SNX29: variants seen among roughly 807,000 people sequenced by gnomAD.
SNX29 encodes sorting nexin 29.
In SNX29, 78 loss-of-function variants were observed where a neutral mutation model predicts 102.1. That is an observed-to-expected ratio of 0.76 (90% CI 0.64 to 0.92). SNX29 has a LOEUF of 0.92. Ranked by LOEUF, SNX29 falls within the 40% of genes least tolerant of loss-of-function variation. The pLI, the probability that SNX29 is intolerant of heterozygous loss-of-function variation, is 0.00. For synonymous variants in SNX29, 580 were observed against 414.5 expected (o/e 1.40, Z -4.85); for missense variants, 1,280 against 1,061.7 (o/e 1.21, Z -2.86).
intron 13 of SNX29, among the ~76,000 whole-genome samples, chr16:12,185,114 CA>C (rs1401368520): frequency 6.6e-6 from 1 of 152,212 alleles, no homozygotes; most frequent in African/African-American, 2.4e-5. Context: ...CTGAGATTCC[CA>C]GTCCACAGCT....
intron 7 of SNX29, among the ~76,000 whole-genome samples, chr16:12,049,425 C>T (rs982969995): frequency 1.3e-4 from 20 of 152,082 alleles, no homozygotes; most frequent in East Asian, 7.7e-4. Context: ...CTCCACTTCC[C>T]GGGTTCAAGC....
chr16:12,255,132 CT>C (rs1201369663), intron 14 of SNX29, among the ~76,000 whole-genome samples: 2 of 152,000 alleles, frequency 1.3e-5, no homozygotes, highest in Non-Finnish European at 2.9e-5. Context: ...ACTTCACATA[CT>C]TTTTTTTGGT....
At chr16:12,036,007 A>G (rs533661489) in intron 4 of SNX29, among the ~76,000 whole-genome samples, 1 of 152,304 alleles carries the variant, frequency 6.6e-6, no homozygotes, top group South Asian at 2.1e-4. Context: ...CTTTGTATCT[A>G]TCACTGGCCT....
At chr16:12,543,791 C>G (rs763081572) in intron 20 of SNX29, among the ~76,000 whole-genome samples, 1 of 152,218 alleles carries the variant, frequency 6.6e-6, no homozygotes, top group Admixed American at 6.5e-5. Flanking sequence ...ATCTGGTGCT[C>G]TAGAGATTTC....
At chr16:12,495,188 T>C (rs988041655) in intron 19 of SNX29, among the ~76,000 whole-genome samples, 43 of 152,282 alleles carry the variant, frequency 2.8e-4, no homozygotes, top group African/African-American at 9.9e-4. Flanking sequence ...TCTTGCTCTG[T>C]TGCTCAGGCC....
chr16:12,572,154 C>T lies in SNX29; in HGVS notation c.*3525C>T, dbSNP rs991726581. Reference sequence around the variant, plus strand: ...TTCATACTTTGGAGCTTATTAAGATCAATTTTGATAACCATGTAATTTCTT... The same window carrying T: ...TTCATACTTTGGAGCTTATTAAGATTAATTTTGATAACCATGTAATTTCTT... On this transcript the variant is annotated 3_prime_UTR_variant, in exon 21 of 21. Coordinates refer to ENST00000566228, the MANE Select transcript of SNX29 (RefSeq NM_032167.5). 1 of 986,166 alleles carries T rather than the reference C, an allele frequency of 1.0e-6. No homozygotes were observed. The highest frequency in any genetic ancestry group is 1.7e-5 in the African/African-American group (1 of 59,344). The allele number at this position is 986,166 out of a possible 1,614,324, so 61.1% of individuals were successfully genotyped here.
chr16:12,320,230 G>C (rs1416507505), intron 15 of SNX29, among the ~76,000 whole-genome samples: 1 of 152,130 alleles, frequency 6.6e-6, no homozygotes, highest in Non-Finnish European at 1.5e-5. Flanking sequence ...GATGAGAAGG[G>C]GCCAGGCAGC....
chr16:12,268,730 A>C (rs2079006170), intron 14 of SNX29, among the ~76,000 whole-genome samples: 1 of 152,174 alleles, frequency 6.6e-6, no homozygotes, highest in Non-Finnish European at 1.5e-5. Flanking sequence ...TATTTTCGTC[A>C]TCAGCATCTC....
At position 12,524,837 on chromosome 16, in the gene SNX29, T is replaced by G; in HGVS notation, c.2314T>G (p.Phe772Val). The G allele has an allele frequency of 1.9e-6, 3 of 1,613,302 alleles. No individual in the cohort carries two copies. The highest frequency in any genetic ancestry group is 1.3e-5 in the African/African-American group (1 of 74,952). Residue 772 changes from phenylalanine to valine, a missense_variant, in exon 20 of 21, where the codon TTC becomes GTC. Phe to Val is a conservative substitution (Grantham distance 50). Transcript: ENST00000566228. ...KETLIQLMPF[F>V]VDITPPGEPV... ...GACCCTCATCCAGCTGATGCCCTTC[T>G]TCGTGTAAGTACTGCTCCCACGGAC...
At chr16:12,550,187 T>C (rs896308381) in intron 20 of SNX29, among the ~76,000 whole-genome samples, 3 of 152,162 alleles carry the variant, frequency 2.0e-5, no homozygotes, top group African/African-American at 7.2e-5. Context: ...CATGACATTA[T>C]TACTAAGAGG....
At chr16:12,477,584 G>C in intron 18 of SNX29, 135 bp from the exon 19 acceptor site, 1 of 1,008,512 alleles carries the variant, frequency 9.9e-7, no homozygotes, top group Non-Finnish European at 1.5e-6. Flanking sequence ...TCTATGCCAG[G>C]AACTGGGCAT....
intron 13 of SNX29, among the ~76,000 whole-genome samples, chr16:12,190,034 G>C (rs2076603923): frequency 6.6e-6 from 1 of 152,138 alleles, no homozygotes; most frequent in Non-Finnish European, 1.5e-5. Context: ...TTCAGTTATT[G>C]ATCCATCCCC....
intron 15 of SNX29, among the ~76,000 whole-genome samples, chr16:12,320,119 A>G (rs1470316201): frequency 6.6e-6 from 1 of 152,138 alleles, no homozygotes; most frequent in Non-Finnish European, 1.5e-5. Context: ...TGAACAAAGT[A>G]ATCACTACTG....
intron 14 of SNX29, among the ~76,000 whole-genome samples, chr16:12,240,386 A>T (rs1159635516): frequency 6.6e-6 from 1 of 151,994 alleles, no homozygotes; most frequent in African/African-American, 2.4e-5. Flanking sequence ...TGCTAATTTG[A>T]TTGCAAGTTT....
chr16:12,518,986 T>C (rs2089987101), intron 19 of SNX29, among the ~76,000 whole-genome samples: 1 of 152,136 alleles, frequency 6.6e-6, no homozygotes, highest in South Asian at 2.1e-4. Context: ...GGGGTATAAA[T>C]CAGGGCTTGC....
intron 11 of SNX29, among the ~76,000 whole-genome samples, chr16:12,114,884 T>C (rs1471569679): frequency 6.6e-6 from 1 of 152,216 alleles, no homozygotes; most frequent in Non-Finnish European, 1.5e-5. Flanking sequence ...TAAAATGGGT[T>C]TGATTCTAAA....
intron 19 of SNX29, among the ~76,000 whole-genome samples, chr16:12,481,825 G>A (rs1432266841): frequency 6.6e-6 from 1 of 152,200 alleles, no homozygotes; most frequent in Non-Finnish European, 1.5e-5. Context: ...GTGAGTAACA[G>A]GAGGGGCCAT....
At chr16:12,434,980 G>T (rs74011723) in intron 18 of SNX29, among the ~76,000 whole-genome samples, 3,417 of 151,616 alleles carry the variant, frequency 0.023, 140 homozygotes, top group African/African-American at 0.078. Context: ...GGGGCGGTGG[G>T]GGGGGTTTGG....
intron 15 of SNX29, among the ~76,000 whole-genome samples, chr16:12,302,762 A>G (rs1408585771): frequency 1.3e-5 from 2 of 152,238 alleles, no homozygotes; most frequent in African/African-American, 4.8e-5. Flanking sequence ...CTGCTAGGTA[A>G]TACCTTTTAT....
Sources: allele counts gnomAD v4.1 joint callset (sites outside exome capture counted in the v4.1 genomes callset), GRCh38; gene constraint gnomAD v4.1.1; transcripts MANE v1.5; gene names NCBI Gene and HGNC (gene_info 2026-07-23, HGNC 2026-07-21).